Variants in COLGALT2 observed in about 807,000 individuals in gnomAD.
The protein encoded by COLGALT2 is procollagen galactosyltransferase 2.
In COLGALT2, 49 loss-of-function variants were observed where a neutral mutation model predicts 73.4. That is an observed-to-expected ratio of 0.67 (90% CI 0.53 to 0.85). The LOEUF is 0.85. COLGALT2 is among the 40% of genes least tolerant of loss of function. The pLI is 0.00. For synonymous variants in COLGALT2, 295 were observed against 307.6 expected (o/e 0.96, Z 0.43); for missense variants, 722 against 790.2 (o/e 0.91, Z 1.03).
chr1:183,957,055 G>C (rs1445062478), intron 6 of COLGALT2, among the ~76,000 whole-genome samples: 2 of 151,974 alleles, frequency 1.3e-5, no homozygotes, highest in African/African-American at 4.8e-5. Context: ...TGGGACAATG[G>C]GCTTCATTGC....
intron 8 of COLGALT2, among the ~76,000 whole-genome samples, chr1:183,950,211 T>C (rs758366723): frequency 2.0e-5 from 3 of 152,130 alleles, no homozygotes; most frequent in Non-Finnish European, 4.4e-5. Context: ...GAGATGGGAC[T>C]GAGGGAGCTG....
At chr1:183,973,847 C>T in intron 3 of COLGALT2, 97 bp from the exon 4 acceptor site, 1 of 1,180,226 alleles carries the variant, frequency 8.5e-7, no homozygotes, top group Non-Finnish European at 1.2e-6. Flanking sequence ...GAAACTTGCT[C>T]ATGACATATG....
intron 1 of COLGALT2, among the ~76,000 whole-genome samples, chr1:184,018,566 A>G (rs1247538814): frequency 6.6e-6 from 1 of 152,234 alleles, no homozygotes; most frequent in African/African-American, 2.4e-5. Context: ...AATTTTATTC[A>G]TAGGAAATTT....
intron 11 of COLGALT2, 102 bp from the exon 12 acceptor site, chr1:183,939,139 T>C: frequency 1.4e-6 from 1 of 733,446 alleles, no homozygotes; most frequent in Non-Finnish European, 2.3e-6. Flanking sequence ...CATGAGTTCA[T>C]TTCATTATTT....
At chr1:183,933,319 G>T (rs541755750), downstream of COLGALT2, among the ~76,000 whole-genome samples, 21 of 152,244 alleles carry the variant, frequency 1.4e-4, 1 homozygote, top group Middle Eastern at 6.8e-3. Context: ...ACTTTGCTCC[G>T]TGTGTGGTGC....
downstream of COLGALT2, among the ~76,000 whole-genome samples, chr1:183,934,826 C>T (rs1669914646): frequency 6.6e-6 from 1 of 152,178 alleles, no homozygotes; most frequent in Non-Finnish European, 1.5e-5. Context: ...TTGTTTTGGA[C>T]ATCAACATTT....
intron 5 of COLGALT2, 108 bp from the exon 6 acceptor site, chr1:183,964,128 A>T: frequency 8.1e-7 from 1 of 1,227,470 alleles, no homozygotes; most frequent in Non-Finnish European, 1.1e-6. Context: ...TGACACTGCA[A>T]TTAAATAAGT....
At chr1:183,945,348 T>C in intron 9 of COLGALT2, 84 bp downstream of exon 9, 7 of 1,493,788 alleles carry the variant, frequency 4.7e-6, no homozygotes, top group Non-Finnish European at 6.4e-6. Context: ...GGGCTCACTT[T>C]ACATCTGGCC....
intron 4 of COLGALT2, among the ~76,000 whole-genome samples, chr1:183,969,899 G>A (rs1195818455): frequency 2.0e-5 from 3 of 152,076 alleles, no homozygotes; most frequent in South Asian, 4.2e-4. Flanking sequence ...ACCTTGCTGC[G>A]CTTATTTCCT....
At chr1:184,024,067 T>C (rs1245825002) in intron 1 of COLGALT2, among the ~76,000 whole-genome samples, 1 of 152,148 alleles carries the variant, frequency 6.6e-6, no homozygotes, top group Non-Finnish European at 1.5e-5. Flanking sequence ...CAAAATGCCA[T>C]CTTAAATAAT....
rs887858276 is a variant in COLGALT2 at position 183,936,652 on chromosome 1, A to C, written c.*2109T>G. 6 of 1,222,338 alleles carry C rather than the reference A, an allele frequency of 4.9e-6. No individual in the cohort carries two copies. Among genetic ancestry groups the C allele is most frequent in the Admixed American group, 8.5e-5 (2 of 23,404 alleles). 75.7% of individuals were successfully genotyped at this position (1,222,338 alleles called of 1,614,324 possible). On this transcript the variant is annotated 3_prime_UTR_variant, in exon 12 of 12. Transcript: ENST00000361927. The stretch of plus-strand genomic sequence containing the variant: ...AAGTCATGCACACATGCACACACTC[A>C]AATATGAAAACAAAAACCAGATACC...
At chr1:183,977,167 A>G (rs913454699) in intron 2 of COLGALT2, among the ~76,000 whole-genome samples, 4 of 152,142 alleles carry the variant, frequency 2.6e-5, no homozygotes, top group Admixed American at 1.3e-4. Flanking sequence ...TGGAGATAGA[A>G]GCAATTAATA....
chr1:183,985,500 G>A (rs954703169), intron 1 of COLGALT2, among the ~76,000 whole-genome samples: 1 of 152,086 alleles, frequency 6.6e-6, no homozygotes, highest in Non-Finnish European at 1.5e-5. Flanking sequence ...TCGAACTCCT[G>A]ATCCTCAGGT....
chr1:184,028,417 C>T (rs904351011), intron 1 of COLGALT2, among the ~76,000 whole-genome samples: 1 of 152,110 alleles, frequency 6.6e-6, no homozygotes, highest in Non-Finnish European at 1.5e-5. Context: ...TCACCACTGC[C>T]CTCCCCATCT....
Position 183,969,474 on chromosome 1 carries a change from C to T in COLGALT2, c.628-1G>A. 13 of 1,603,028 alleles carry T rather than the reference C, an allele frequency of 8.1e-6. No individual in the cohort carries two copies. Among genetic ancestry groups the T allele is most frequent in the South Asian group, 1.1e-5 (1 of 89,426 alleles). On this transcript the variant is annotated splice_acceptor_variant, in intron 4 of 11. Transcript: ENST00000361927. LOFTEE classifies it high-confidence loss of function. ...AGTCTGGGGTCCTCTTATAGAAGCC[C>T]TGTAAAAGAGCAAATAGGTGGGTTG...
chr1:183,981,817 C>G (rs1671360182), intron 1 of COLGALT2, among the ~76,000 whole-genome samples: 1 of 151,964 alleles, frequency 6.6e-6, no homozygotes, highest in South Asian at 2.1e-4. Flanking sequence ...CAGGAATGTT[C>G]AAGAGAGAAA....
Position 183,936,564 on chromosome 1 carries a change from C to G in COLGALT2, c.*2197G>C. ...CTATTAAACAAAACACCACAAAAATCAACCCAAACTTCCTTCAACCCCAGC... is the reference window on the plus strand; with the variant it reads ...CTATTAAACAAAACACCACAAAAATGAACCCAAACTTCCTTCAACCCCAGC... On this transcript the variant is annotated 3_prime_UTR_variant, in exon 12 of 12. Coordinates refer to ENST00000361927, the MANE Select transcript of COLGALT2 (RefSeq NM_015101.4). 8.9e-7 allele frequency: 1 copy of G among 1,118,212 alleles called. No homozygotes were observed. The highest frequency in any genetic ancestry group is 4.9e-5 in the Admixed American group (1 of 20,226). 69.3% of individuals were successfully genotyped at this position (1,118,212 alleles called of 1,614,324 possible). A position where few individuals can be genotyped will look rare whatever the true frequency, so the allele number is the denominator to read the frequency against.
intron 8 of COLGALT2, chr1:183,945,901 T>C: frequency 4.2e-6 from 1 of 240,874 alleles, no homozygotes; most frequent in Non-Finnish European, 8.1e-6. Context: ...CAAGACCTAC[T>C]GCTGAATCTC....
downstream of COLGALT2, among the ~76,000 whole-genome samples, chr1:183,934,093 T>G (rs898675075): frequency 6.6e-6 from 1 of 152,168 alleles, no homozygotes; most frequent in African/African-American, 2.4e-5. Flanking sequence ...GCCACTCTTC[T>G]GCCCAGCAAC....
Sources: gnomAD v4.1 joint callset for allele counts (sites outside exome capture counted in the v4.1 genomes callset) on GRCh38, gnomAD v4.1.1 for gene constraint, MANE v1.5 for transcripts, NCBI Gene and HGNC (gene_info 2026-07-23, HGNC 2026-07-21) for gene names.